Variants in NALF1 observed in about 807,000 individuals in gnomAD.
NALF1 encodes the protein NALCN channel auxiliary factor 1, also known as family with sequence similarity 155 member A.
Under a neutral mutation model 48.4 loss-of-function variants are expected in NALF1, and 3 were observed. The observed-to-expected ratio is 0.06, with a 90% confidence interval of 0.03 to 0.16. The LOEUF (loss-of-function observed/expected upper bound fraction) is 0.16, where lower values mean the gene tolerates loss of function less well. Ranked by LOEUF, NALF1 falls within the 10% of genes least tolerant of loss-of-function variation. NALF1 has a pLI of 1.00. For synonymous variants in NALF1, 262 were observed against 245.7 expected, an observed-to-expected ratio of 1.07 and a Z score of -0.62; for missense variants, 526 against 571.5, an observed-to-expected ratio of 0.92 and a Z score of 0.81.
chr13:107,541,313 G>A (rs778970104), intron 1 of NALF1, among the ~76,000 whole-genome samples: 5 of 152,100 alleles, frequency 3.3e-5, no homozygotes, highest in South Asian at 4.1e-4. Flanking sequence ...CCTAAACACC[G>A]TTGTTGTTTA....
intron 1 of NALF1, among the ~76,000 whole-genome samples, chr13:107,543,474 C>A (rs1471471036): frequency 6.6e-6 from 1 of 151,964 alleles, no homozygotes; most frequent in Non-Finnish European, 1.5e-5. Flanking sequence ...AATAGGTATT[C>A]ACTTATTAGA....
rs181189019 is a variant in NALF1 at position 107,733,020 on chromosome 13, A to G, written c.915+132662T>C. On this transcript the variant is annotated intron_variant, in intron 1 of 2. Coordinates refer to ENST00000375915, the MANE Select transcript of NALF1 (RefSeq NM_001080396.3). ...ACATATTGTGCTAATTTCATGGATT[A>G]ATATAAAGAATGTATGAAATAAATC... is the stretch of plus-strand genomic sequence containing the variant. Among the ~76,000 whole-genome samples the G allele has an allele frequency of 5.9e-3, 904 of 152,272 alleles. 3 individuals carry two copies. Among genetic ancestry groups the G allele is most frequent in the Admixed American group, 0.011 (161 of 15,272 alleles).
At chr13:107,766,825 A>C (rs1312606857) in intron 1 of NALF1, among the ~76,000 whole-genome samples, 3 of 152,216 alleles carry the variant, frequency 2.0e-5, no homozygotes, top group Non-Finnish European at 4.4e-5. Context: ...CTCCTACTTC[A>C]GTCTTTGTTT....
intron 1 of NALF1, among the ~76,000 whole-genome samples, chr13:107,665,272 T>A (rs1880828377): frequency 1.3e-5 from 2 of 152,254 alleles, no homozygotes; most frequent in East Asian, 3.9e-4. Flanking sequence ...AAAGGGAGCT[T>A]TAACAAGCAG....
chr13:107,404,098 G>T (rs1386845280), intron 1 of NALF1, among the ~76,000 whole-genome samples: 1 of 152,072 alleles, frequency 6.6e-6, no homozygotes, highest in Non-Finnish European at 1.5e-5. Flanking sequence ...CATGAGAAAG[G>T]TAACCTTAAA....
chr13:107,456,975 G>A (rs1488084512), intron 1 of NALF1, among the ~76,000 whole-genome samples: 1 of 151,932 alleles, frequency 6.6e-6, no homozygotes, highest in African/African-American at 2.4e-5. Flanking sequence ...TTTTATTAAA[G>A]CTCATGGGCT....
intron 1 of NALF1, among the ~76,000 whole-genome samples, chr13:107,863,713 G>T (rs1880637777): frequency 6.6e-6 from 1 of 152,122 alleles, no homozygotes; most frequent in Admixed American, 6.5e-5. Flanking sequence ...CGTTATAAAT[G>T]AGTTAACTTA....
rs1045548517 is a variant in NALF1 at position 107,866,304 on chromosome 13, T to TGCC, written c.290_292dup (p.Arg97dup). 1 of 1,606,780 alleles carries TGCC rather than the reference T, an allele frequency of 6.2e-7. No homozygotes were observed. Among genetic ancestry groups the TGCC allele is most frequent in the Non-Finnish European group, 8.5e-7 (1 of 1,178,528 alleles). The stretch of plus-strand genomic sequence containing the variant: ...GAGCGCGGGCCAGGAGGGCTCCTGC[T>TGCC]GCCGCCGCTGCTGCTGCTGCTGCTG... On this transcript the variant is annotated inframe_insertion, in exon 1 of 3. Transcript: ENST00000375915. This position sits in a 1 kb window ranked among gnomAD's most constrained non-coding sequence, Gnocchi z 4.4.
At chr13:107,177,078 CA>C (rs1594056093) in intron 2 of NALF1, among the ~76,000 whole-genome samples, 1 of 151,888 alleles carries the variant, frequency 6.6e-6, no homozygotes, top group Non-Finnish European at 1.5e-5. Context: ...TATATGTCAA[CA>C]GTGAAAAATC....
intron 1 of NALF1, among the ~76,000 whole-genome samples, chr13:107,405,151 C>T (rs949047370): frequency 1.3e-5 from 2 of 151,966 alleles, no homozygotes; most frequent in African/African-American, 4.8e-5. Context: ...ATATGGCAGC[C>T]ATTCAATTTC....
chr13:107,266,610 C>T (rs1468210843), intron 1 of NALF1, among the ~76,000 whole-genome samples: 2 of 152,098 alleles, frequency 1.3e-5, no homozygotes, highest in Non-Finnish European at 2.9e-5. Context: ...TACATGGATA[C>T]ACAAACATAA....
intron 1 of NALF1, among the ~76,000 whole-genome samples, chr13:107,804,427 C>G (rs1410820495): frequency 6.7e-6 from 1 of 149,844 alleles, no homozygotes; most frequent in African/African-American, 2.5e-5. Context: ...TCTCTGAGAA[C>G]TTTCTCTGGT....
chr13:107,536,296 C>T (rs906175247), intron 1 of NALF1, among the ~76,000 whole-genome samples: 6 of 148,184 alleles, frequency 4.0e-5, no homozygotes, highest in Admixed American at 6.9e-5. Flanking sequence ...AGGCAACCTA[C>T]AAAATGGGAG....
chr13:107,437,906 G>A (rs1884489046), intron 1 of NALF1, among the ~76,000 whole-genome samples: 1 of 152,170 alleles, frequency 6.6e-6, no homozygotes, highest in Non-Finnish European at 1.5e-5. Context: ...GACCTTTGAA[G>A]CATTTATTGG....
At chr13:107,296,123 T>C (rs1267668274) in intron 1 of NALF1, among the ~76,000 whole-genome samples, 7 of 152,220 alleles carry the variant, frequency 4.6e-5, no homozygotes, top group South Asian at 4.1e-4. Context: ...TAATAATACA[T>C]GAATTAATGA....
At chr13:107,198,668 C>CA (rs1177911948) in intron 2 of NALF1, among the ~76,000 whole-genome samples, 10 of 152,192 alleles carry the variant, frequency 6.6e-5, no homozygotes, top group South Asian at 2.1e-4. Flanking sequence ...GGAGTCATCA[C>CA]AAAATCCCAC....
chr13:107,815,834 T>C (rs920235037), intron 1 of NALF1, among the ~76,000 whole-genome samples: 2 of 152,148 alleles, frequency 1.3e-5, no homozygotes, highest in Admixed American at 6.6e-5. Flanking sequence ...TGATATATAC[T>C]ATAACATTGA....
chr13:107,814,680 G>A (rs1390176814), intron 1 of NALF1, among the ~76,000 whole-genome samples: 1 of 152,018 alleles, frequency 6.6e-6, no homozygotes, highest in Non-Finnish European at 1.5e-5. Context: ...TCAAATACAT[G>A]AATCGAAAAC....
chr13:107,623,115 A>AT (rs1421778063), intron 1 of NALF1, among the ~76,000 whole-genome samples: 1 of 152,186 alleles, frequency 6.6e-6, no homozygotes, highest in Non-Finnish European at 1.5e-5. Flanking sequence ...ACCTAGATCT[A>AT]TAACTCCCTC....
Sources: gnomAD v4.1 joint callset for allele counts (sites outside exome capture counted in the v4.1 genomes callset) on GRCh38, gnomAD v4.1.1 for gene constraint, Gnocchi (gnomAD v3.1) non-coding constraint, MANE v1.5 for transcripts, NCBI Gene and HGNC (gene_info 2026-07-23, HGNC 2026-07-21) for gene names.